Variants in PTDSS1 observed in about 807,000 individuals in gnomAD.
PTDSS1 encodes the protein PSS-1.
PTDSS1 carries 45 observed loss-of-function variants against 70.5 expected under a neutral mutation model. The observed-to-expected ratio is 0.64, with a 90% CI of 0.50 to 0.82. PTDSS1 has a LOEUF of 0.82. PTDSS1 is among the 40% of genes least tolerant of loss of function. The pLI, the probability that PTDSS1 is intolerant of heterozygous loss-of-function variation, is 0.00. For synonymous variants in PTDSS1, 188 were observed against 203.8 expected, an observed-to-expected ratio of 0.92 and a Z score of 0.66; for missense variants, 417 against 586.1, an observed-to-expected ratio of 0.71 and a Z score of 2.98.
chr8:96,267,571 C>T (rs1264084127), intron 1 of PTDSS1, among the ~76,000 whole-genome samples: 1 of 152,210 alleles, frequency 6.6e-6, no homozygotes, highest in Non-Finnish European at 1.5e-5. Flanking sequence ...TATCACCTTT[C>T]TCCTGCTTTA....
At chr8:96,276,987 CA>C (rs1810657471) in intron 2 of PTDSS1, among the ~76,000 whole-genome samples, 1 of 149,204 alleles carries the variant, frequency 6.7e-6, no homozygotes, top group Non-Finnish European at 1.5e-5. Context: ...CGCGCACACA[CA>C]CACACACACA....
chr8:96,295,946 G>A (rs966717064), intron 5 of PTDSS1, among the ~76,000 whole-genome samples: 2 of 151,922 alleles, frequency 1.3e-5, no homozygotes, highest in African/African-American at 2.4e-5. Flanking sequence ...TGTTCTGGAG[G>A]CCAGAAGTCC....
chr8:96,304,318 T>C (rs1020921853), intron 7 of PTDSS1, 137 bp downstream of exon 7: 7 of 1,076,984 alleles, frequency 6.5e-6, no homozygotes, highest in South Asian at 1.8e-5. Flanking sequence ...GCAGCTGGCA[T>C]GTAGAATAAT....
At chr8:96,284,015 C>A in intron 2 of PTDSS1, 94 bp from the exon 3 acceptor site, 1 of 949,690 alleles carries the variant, frequency 1.1e-6, no homozygotes, top group Non-Finnish European at 1.6e-6. Flanking sequence ...AGAGCTTTTT[C>A]TTCTTGTTAT....
At chr8:96,284,190 T>C in intron 3 of PTDSS1, 37 bp downstream of exon 3, 1 of 1,526,520 alleles carries the variant, frequency 6.6e-7, no homozygotes, top group Non-Finnish European at 9.0e-7. Context: ...GATGTTCTAT[T>C]TTTTTAATCT....
chr8:96,325,230 G>A (rs1442505710), intron 10 of PTDSS1, among the ~76,000 whole-genome samples: 1 of 152,204 alleles, frequency 6.6e-6, no homozygotes, highest in African/African-American at 2.4e-5. Flanking sequence ...TTAAGTGGCA[G>A]AACCAGGACT....
intron 7 of PTDSS1, among the ~76,000 whole-genome samples, chr8:96,304,775 A>AT (rs1193186582): frequency 6.6e-6 from 1 of 152,164 alleles, no homozygotes; most frequent in Non-Finnish European, 1.5e-5. Context: ...AGAGACAGCA[A>AT]TTTTTTCTGA....
Position 96,333,805 on chromosome 8 carries a change from CA to C in PTDSS1, c.*240del. 1.4e-6 allele frequency: 1 copy of C among 695,434 alleles called. No homozygotes were observed. Among genetic ancestry groups the C allele is most frequent in the Admixed American group, 2.1e-5 (1 of 48,176 alleles). The allele number at this position is 695,434 out of a possible 1,614,324, so 43.1% of individuals were successfully genotyped here. ...GGTCTCTTCTAACTTCAGCACTTGA[CA>C]TGCGGTCACCGGTGGCAGCGCGGTG... On this transcript the variant is annotated 3_prime_UTR_variant, in exon 13 of 13. Transcript: ENST00000517309.
chr8:96,307,216 G>A (rs1004359323), intron 8 of PTDSS1, among the ~76,000 whole-genome samples: 17 of 151,864 alleles, frequency 1.1e-4, no homozygotes, highest in African/African-American at 3.1e-4. Flanking sequence ...TAACTAATAC[G>A]GAATACTGGC....
At chr8:96,319,658 G>A (rs1811347338) in intron 9 of PTDSS1, among the ~76,000 whole-genome samples, 2 of 152,142 alleles carry the variant, frequency 1.3e-5, no homozygotes, top group African/African-American at 4.8e-5. Flanking sequence ...GACTCTCTTG[G>A]AAGGGTCAAA....
chr8:96,269,448 G>A (rs1156459664), intron 1 of PTDSS1, among the ~76,000 whole-genome samples: 1 of 152,208 alleles, frequency 6.6e-6, no homozygotes, highest in Non-Finnish European at 1.5e-5. Flanking sequence ...AAGAAGTCAA[G>A]GCGGTGTCAC....
At position 96,278,613 on chromosome 8, in the gene PTDSS1, C is replaced by T. The variant is rs531030159; in HGVS notation, c.271+5223C>T. 3.1e-3 allele frequency among the ~76,000 whole-genome samples: 477 copies of T among 152,274 alleles called. 1 individual carries two copies. Among genetic ancestry groups the T allele is most frequent in the Non-Finnish European group, 5.3e-3 (361 of 68,010 alleles). ...AATGTTTTAATGGCTACCTTCATCCCATTATAGCAACTGACACTCAAGTGT... is the reference window on the plus strand; with the variant it reads ...AATGTTTTAATGGCTACCTTCATCCTATTATAGCAACTGACACTCAAGTGT... On this transcript the variant is annotated intron_variant, in intron 2 of 12. Coordinates refer to ENST00000517309, the MANE Select transcript of PTDSS1 (RefSeq NM_014754.3).
intron 10 of PTDSS1, among the ~76,000 whole-genome samples, chr8:96,329,131 T>C (rs1679236477): frequency 6.6e-6 from 1 of 152,180 alleles, no homozygotes; most frequent in South Asian, 2.1e-4. Flanking sequence ...GGTCCCTCCA[T>C]GCTCTCACAG....
At chr8:96,278,483 T>G (rs1586185395) in intron 2 of PTDSS1, among the ~76,000 whole-genome samples, 1 of 152,156 alleles carries the variant, frequency 6.6e-6, no homozygotes, top group Non-Finnish European at 1.5e-5. Flanking sequence ...GGGCTGGCAG[T>G]GAGAGCAGGG....
At chr8:96,290,649 G>A (rs1810890141) in intron 4 of PTDSS1, among the ~76,000 whole-genome samples, 1 of 151,830 alleles carries the variant, frequency 6.6e-6, no homozygotes, top group South Asian at 2.1e-4. Context: ...ATTGTCTTTT[G>A]CAATTCTAAG....
intron 4 of PTDSS1, among the ~76,000 whole-genome samples, chr8:96,290,087 G>T (rs78124735): frequency 6.6e-6 from 1 of 152,100 alleles, no homozygotes; most frequent in Non-Finnish European, 1.5e-5. Flanking sequence ...TACAGGGGAG[G>T]AGATGGAAGC....
chr8:96,310,992 T>TAACTC, intron 9 of PTDSS1, among the ~76,000 whole-genome samples: 1 of 151,984 alleles, frequency 6.6e-6, no homozygotes, highest in African/African-American at 2.4e-5. Flanking sequence ...TCTCGATTTC[T>TAACTC]TGAACCTCGT....
chr8:96,284,611 A>G (rs903169697), intron 3 of PTDSS1, among the ~76,000 whole-genome samples: 5 of 152,196 alleles, frequency 3.3e-5, no homozygotes, highest in African/African-American at 1.2e-4. Flanking sequence ...AAAGAACCCT[A>G]ATTTGAACTA....
intron 4 of PTDSS1, among the ~76,000 whole-genome samples, chr8:96,291,456 T>C (rs1019366338): frequency 2.0e-5 from 3 of 150,956 alleles, no homozygotes; most frequent in Non-Finnish European, 4.4e-5. Flanking sequence ...GCTTTTCTTT[T>C]TTTTTTTTTT....
Sources: gnomAD v4.1 joint callset for allele counts (sites outside exome capture counted in the v4.1 genomes callset) on GRCh38, gnomAD v4.1.1 for gene constraint, MANE v1.5 for transcripts, NCBI Gene and HGNC (gene_info 2026-07-23, HGNC 2026-07-21) for gene names.